ZNF630: variants seen among roughly 807,000 people sequenced by gnomAD.
The protein encoded by ZNF630 is dJ54B20.2 (novel KRAB box containing C2H2 type zinc finger protein).
In ZNF630, 5 loss-of-function variants were observed where a neutral mutation model predicts 7.2. The observed-to-expected ratio is 0.70, with a 90% CI of 0.36 to 1.46. The LOEUF is 1.46. Ranked by LOEUF, ZNF630 falls within the 40% of genes most tolerant of loss-of-function variation. The probability of loss-of-function intolerance (pLI) is 0.03; values close to 1 mark genes in which losing one functional copy is unlikely to be tolerated. For missense variants in ZNF630, 461 were observed against 477.0 expected (o/e 0.97, Z 0.31); for synonymous variants, 158 against 162.8 (o/e 0.97, Z 0.23).
At chrX:48,060,711 A>G in intron 3 of ZNF630, 108 bp downstream of exon 3, 2 of 986,636 alleles carry the variant, frequency 2.0e-6, no homozygotes, top group Admixed American at 7.7e-5. Flanking sequence ...CAAAACTATA[A>G]AAGAACACAC....
rs782602423 is a variant in ZNF630 at position 48,071,301 on chromosome X, G to A, written c.-210C>T. On this transcript the variant is annotated 5_prime_UTR_variant, in exon 1 of 5. Transcript: ENST00000276054. ...GCTCTCAAGCCGGGCTTGGCTCCCC[G>A]CCTGCCCAAATGCGTTCAACATCCC... is the stretch of plus-strand genomic sequence containing the variant. The A allele has an allele frequency of 2.7e-5, 3 of 110,687 alleles. No homozygotes were observed. Among genetic ancestry groups the A allele is most frequent in the African/African-American group, 9.9e-5 (3 of 30,287 alleles). 9.1% of individuals were successfully genotyped at this position (110,687 alleles called of 1,213,427 possible).
At position 48,064,920 on chromosome X, in the gene ZNF630, C is replaced by T. The variant is rs782182713; in HGVS notation, c.15+1952G>A. Reference sequence around the variant, plus strand: ...TTGGTTTACATATTGTCAATAGCTGCTTTCTACCTAAAACAGCAGATTTGA... The same window carrying T: ...TTGGTTTACATATTGTCAATAGCTGTTTTCTACCTAAAACAGCAGATTTGA... On this transcript the variant is annotated intron_variant, in intron 2 of 4. Transcript: ENST00000276054. Among the ~76,000 whole-genome samples, 9 of 112,154 alleles carry T rather than the reference C, an allele frequency of 8.0e-5. No homozygotes were observed. In the South Asian group the frequency reaches 2.2e-3, roughly 27 times the overall value.
At chrX:48,061,974 TG>T (rs1441369163) in intron 2 of ZNF630, among the ~76,000 whole-genome samples, 2 of 111,926 alleles carry the variant, frequency 1.8e-5, no homozygotes, top group Non-Finnish European at 3.8e-5. Flanking sequence ...AAAATGCAAA[TG>T]TTTTTTAAAC....
chrX:48,068,194 GGAAGGAAAGAAAAGAAAAGAAAAGAA>G (rs2059141015), intron 1 of ZNF630, among the ~76,000 whole-genome samples: 2 of 43,207 alleles, frequency 4.6e-5, no homozygotes, highest in African/African-American at 1.5e-4. Flanking sequence ...AAGGAAGGAA[GGAAGGAAAGAAAAGAAAAGAAAAGAA>G]AAAAGAAAAG....
At position 48,068,752 on chromosome X, in the gene ZNF630, G is replaced by A. The variant is rs782074475; in HGVS notation, c.-175-1691C>T. Among the ~76,000 whole-genome samples the A allele has an allele frequency of 7.2e-5, 8 of 110,848 alleles. 1 individual carries two copies. The highest frequency in any genetic ancestry group is 2.3e-4 in the African/African-American group (7 of 30,399). ...GATGACTGATGAGACTGGGTGGTGG[G>A]CATAATGGGGTTCCATTATACAATT... On this transcript the variant is annotated intron_variant, in intron 1 of 4. Coordinates refer to ENST00000276054, the MANE Select transcript of ZNF630 (RefSeq NM_001282201.2).
intron 2 of ZNF630, among the ~76,000 whole-genome samples, chrX:48,062,551 T>G (rs1206407643): frequency 8.9e-6 from 1 of 112,237 alleles, no homozygotes; most frequent in East Asian, 2.8e-4. Context: ...CTGGCCAACA[T>G]GGCGAAACCC....
chrX:48,064,804 A>G (rs782626393), intron 2 of ZNF630, among the ~76,000 whole-genome samples: 7 of 112,249 alleles, frequency 6.2e-5, no homozygotes, highest in Non-Finnish European at 1.3e-4. Context: ...AAAAAAGTCA[A>G]AAGAAGAATA....
chrX:48,059,374 G>A lies in ZNF630; in HGVS notation c.1068C>T (p.Phe356=), dbSNP rs1556908593. The part of the protein sequence containing the change: ...PYECFECPKA[F]SQKSHLIIHQ... ...GTATAATTAGATGTGACTTCTGGGA[G>A]AAAGCTTTTGGACACTCAAAACACT... is the stretch of plus-strand genomic sequence containing the variant. The change falls in exon 5 of 5, where the codon TTC becomes TTT. Residue 356 remains phenylalanine, a synonymous_variant. Transcript: ENST00000276054. The A allele has an allele frequency of 8.3e-7, 1 of 1,207,980 alleles. No homozygotes were observed. Among genetic ancestry groups the A allele is most frequent in the South Asian group, 1.8e-5 (1 of 56,876 alleles).
chrX:48,067,268 T>C (rs189859806), intron 1 of ZNF630, among the ~76,000 whole-genome samples: 1 of 112,314 alleles, frequency 8.9e-6, no homozygotes, highest in Admixed American at 9.4e-5. Flanking sequence ...TGGTCTTGTC[T>C]GGCTCTTTAC....
intron 1 of ZNF630, among the ~76,000 whole-genome samples, chrX:48,069,819 T>C (rs1233851333): frequency 9.7e-6 from 1 of 103,509 alleles, no homozygotes; most frequent in African/African-American, 3.5e-5. Context: ...GTTATCCTCC[T>C]AAATTCCACA....
intron 1 of ZNF630, among the ~76,000 whole-genome samples, chrX:48,069,828 C>T (rs1354427300): frequency 2.1e-5 from 2 of 96,546 alleles, no homozygotes; most frequent in African/African-American, 7.5e-5. Flanking sequence ...CTAAATTCCA[C>T]AGGACATTGT....
rs782032981 is a variant in ZNF630, at chrX:48,060,907, C to T, written c.54G>A (p.Thr18=). 127 of 1,203,454 alleles carry T rather than the reference C, an allele frequency of 1.1e-4. 1 individual carries two copies. In the South Asian group the frequency reaches 1.8e-3, roughly 17 times the overall value. ...GATTCAACTGCTGCCACTCTTCCTG[C>T]GTGAAGTCCACAGCCACATCCTCAA... ...VTFEDVAVDF[T]QEEWQQLNPA... Residue 18 remains threonine, a synonymous_variant, in exon 3 of 5, where the codon ACG becomes ACA. Coordinates refer to ENST00000276054, the MANE Select transcript of ZNF630 (RefSeq NM_001282201.2).
At chrX:48,070,790 T>C (rs782708230) in intron 1 of ZNF630, among the ~76,000 whole-genome samples, 13 of 109,755 alleles carry the variant, frequency 1.2e-4, no homozygotes, top group Middle Eastern at 4.6e-3. Flanking sequence ...AACCACCAAG[T>C]TGGACTTCTC....
chrX:48,058,872 A>T lies in ZNF630; in HGVS notation c.1570T>A (p.Phe524Ile), dbSNP rs1236498771. 4 of 1,207,794 alleles carry T rather than the reference A, an allele frequency of 3.3e-6. No homozygotes were observed. In the South Asian group the frequency reaches 7.1e-5, roughly 21 times the overall value. ...ATAATGAGGAGTGATTTCTGGGAGA[A>T]GGTTTTGCCACATTCACCACACTGA... ...PYQCGECGKT[F>I]SQKSLLIIHL... is the part of the protein sequence containing the mutation. The change falls in exon 5 of 5, where the codon TTC becomes ATC. Residue 524 changes from phenylalanine (F) to isoleucine (I), a missense_variant. Physicochemically the swap from Phe to Ile is conservative, Grantham distance 21. Transcript: ENST00000276054.
intron 1 of ZNF630, chrX:48,070,999 C>T (rs1276245513): frequency 3.7e-5 from 4 of 109,159 alleles, no homozygotes; most frequent in African/African-American, 1.4e-4. Flanking sequence ...CATCCCTCAC[C>T]CTACAGACCA....
At chrX:48,068,591 C>T (rs1228764157) in intron 1 of ZNF630, among the ~76,000 whole-genome samples, 1 of 111,147 alleles carries the variant, frequency 9.0e-6, no homozygotes, top group African/African-American at 3.3e-5. Context: ...TGATTTTTTT[C>T]CAATGATAAA....
intron 2 of ZNF630, among the ~76,000 whole-genome samples, chrX:48,062,977 G>A (rs1458478641): frequency 1.3e-4 from 9 of 67,089 alleles, no homozygotes; most frequent in Non-Finnish European, 1.4e-4. Flanking sequence ...AGAGAGAGAG[G>A]GAGGGAGGGA....
rs782401796 is a variant in ZNF630, at chrX:48,059,898, C to T, written c.544G>A (p.Glu182Lys). The change falls in exon 5 of 5, where the codon GAA becomes AAA. Residue 182 changes from glutamate (E) to lysine (K), a missense_variant. By Grantham distance (56) the Glu-to-Lys change is moderately conservative. Transcript: ENST00000276054. The stretch of plus-strand genomic sequence containing the variant: ...TCTGAATTAGACTTCAAGCTATTTT[C>T]ACATGAATCAAACTTATGGAATTTT... ...SQKFHKFDSC[E>K]NSLKSNSDLL... The T allele has an allele frequency of 4.1e-6, 5 of 1,207,905 alleles. No individual in the cohort carries two copies. In the East Asian group the frequency reaches 1.2e-4, roughly 29 times the overall value.
At chrX:48,068,280 GAAGGAAGGAAGGAAGGAAGA>G (rs1316618239) in intron 1 of ZNF630, among the ~76,000 whole-genome samples, 1,417 of 108,698 alleles carry the variant, frequency 0.013, 25 homozygotes, top group African/African-American at 0.046. Context: ...AGGAAGGAAG[GAAGGAAGGAAGGAAGGAAGA>G]AAGGGAGGAA....
Sources: gnomAD v4.1 joint callset for allele counts (sites outside exome capture counted in the v4.1 genomes callset) on GRCh38, gnomAD v4.1.1 for gene constraint, MANE v1.5 for transcripts, NCBI Gene and HGNC (gene_info 2026-07-23, HGNC 2026-07-21) for gene names.